TOPORS: variants seen among roughly 807,000 people sequenced by gnomAD.
TOPORS encodes E3 ubiquitin-protein ligase Topors.
TOPORS carries 25 observed loss-of-function variants against 81.4 expected under a neutral mutation model. That is an observed-to-expected ratio of 0.31 (90% CI 0.22 to 0.43). The LOEUF is 0.43. Ranked by LOEUF, TOPORS falls within the 20% of genes least tolerant of loss-of-function variation. The pLI is 1.00. For synonymous variants in TOPORS, 473 were observed against 456.6 expected, an observed-to-expected ratio of 1.04 and a Z score of -0.46; for missense variants, 1,101 against 1,267.0, an observed-to-expected ratio of 0.87 and a Z score of 1.99.
rs372508949 is a variant in TOPORS, at chr9:32,543,310, A to T, written c.1215T>A (p.Asp405Glu). 4 of 1,613,992 alleles carry T rather than the reference A, an allele frequency of 2.5e-6. No individual in the cohort carries two copies. The highest frequency in any genetic ancestry group is 3.4e-6 in the Non-Finnish European group (4 of 1,180,030). Residue 405 changes from aspartate (D) to glutamate (E), a missense_variant, in exon 3 of 3, where the codon GAT becomes GAA. Asp to Glu is a conservative substitution (Grantham distance 45, BLOSUM62 2). Coordinates refer to ENST00000360538, the MANE Select transcript of TOPORS (RefSeq NM_005802.5). This position sits in a 1 kb window ranked among gnomAD's most constrained non-coding sequence, Gnocchi z 5.6. ...CCTGACTAACAGTGGCTACATTAAT[A>T]TCCAGCTCTTGGGTCTCAGCCTCAT... Reference protein sequence around the residue: ...SPDEAETQELDINVATVSQAP... With the variant: ...SPDEAETQELEINVATVSQAP...
At chr9:32,551,169 G>C in intron 1 of TOPORS, 1 of 657,342 alleles carries the variant, frequency 1.5e-6, no homozygotes, top group East Asian at 2.7e-5. Context: ...CCCGGAGGAG[G>C]GCAGCGCGAC....
chr9:32,551,820 AC>A (rs1476042411), intron 1 of TOPORS: 1 of 450,226 alleles, frequency 2.2e-6, no homozygotes, highest in Non-Finnish European at 4.5e-6. Flanking sequence ...AACGCGTCCC[AC>A]GTATTTCTTC....
In TOPORS at chr9:32,542,900, T is replaced by C. The variant is rs1162091744; in HGVS notation, c.1625A>G (p.Asp542Gly). The C allele has an allele frequency of 6.2e-7, 1 of 1,614,080 alleles. No homozygotes were observed. Among genetic ancestry groups the C allele is most frequent in the African/African-American group, 1.3e-5 (1 of 74,948 alleles). ...ACAATGACCTTTATTTATTTGTTCA[T>C]CCTTTCCAAGGACAGAGTGTGGAGA... ...CSSPHSVLGKDEQINKGHCDS... is the reference protein window; with the variant it reads ...CSSPHSVLGKGEQINKGHCDS... Residue 542 changes from aspartate to glycine, a missense_variant, in exon 3 of 3, where the codon GAT becomes GGT. Physicochemically the swap from Asp to Gly is moderately conservative, Grantham distance 94. Around this residue, in one of 9 missense-constraint regions of TOPORS, gnomAD observed 605 missense variants for 636.1 expected, o/e 0.95. Transcript: ENST00000360538.
At chr9:32,552,361 A>G in intron 1 of TOPORS, 73 bp downstream of exon 1, 1 of 1,583,374 alleles carries the variant, frequency 6.3e-7, no homozygotes. Flanking sequence ...GGCGCCTGGC[A>G]GCCACCGCCT....
At chr9:32,547,082 A>G (rs1269459784) in intron 2 of TOPORS, among the ~76,000 whole-genome samples, 2 of 152,204 alleles carry the variant, frequency 1.3e-5, no homozygotes, top group South Asian at 2.1e-4. Flanking sequence ...CAGAAACATC[A>G]AAGAGGCGGG....
intron 2 of TOPORS, 50 bp downstream of exon 2, chr9:32,550,724 T>TC: frequency 6.2e-7 from 1 of 1,603,950 alleles, no homozygotes; most frequent in Non-Finnish European, 8.5e-7. Flanking sequence ...GAGCGCCAAC[T>TC]CCCACGGCCC....
intron 2 of TOPORS, among the ~76,000 whole-genome samples, chr9:32,548,651 C>T (rs1196012224): frequency 6.6e-6 from 1 of 152,146 alleles, no homozygotes; most frequent in Non-Finnish European, 1.5e-5. Context: ...GCCTGTGTTA[C>T]GGGTTTTCCA....
rs147071021 is a variant in TOPORS at position 32,543,854 on chromosome 9, T to C, written c.671A>G (p.Asp224Gly). The C allele has an allele frequency of 4.3e-5, 69 of 1,614,164 alleles. No individual in the cohort carries two copies. In the Middle Eastern group the frequency reaches 8.2e-4, roughly 19 times the overall value. ...TCTCATAAACTGAGGAATTTCAACA[T>C]CTCTAGGTCTTGTTGAAATGCCTAA... ...EGLGISTRPR[D>G]VEIPQFMRQI... The change falls in exon 3 of 3, where the codon GAT becomes GGT. Residue 224 changes from aspartate (D) to glycine (G), a missense_variant. By Grantham distance (94) the Asp-to-Gly change is moderately conservative. Transcript: ENST00000360538. The surrounding 1 kb of genome is among the most constrained non-coding windows in gnomAD (Gnocchi z 5.6).
chr9:32,551,623 G>A (rs1484802680), intron 1 of TOPORS: 1 of 266,810 alleles, frequency 3.7e-6, no homozygotes, highest in Non-Finnish European at 8.1e-6. Flanking sequence ...TAGAGCCTAA[G>A]CGGCCCGTTG....
chr9:32,551,163 G>A, intron 1 of TOPORS, 195 bp from the exon 2 acceptor site: 1 of 671,104 alleles, frequency 1.5e-6, no homozygotes, highest in Non-Finnish European at 2.6e-6. Context: ...CCAGACCCCG[G>A]AGGAGGGCAG....
intron 2 of TOPORS, among the ~76,000 whole-genome samples, chr9:32,549,756 T>C (rs1362459117): frequency 1.3e-5 from 2 of 152,154 alleles, no homozygotes; most frequent in Non-Finnish European, 2.9e-5. Flanking sequence ...GGTTCACGAA[T>C]AGATGAAATA....
intron 2 of TOPORS, 34 bp from the exon 3 acceptor site, chr9:32,544,360 A>G (rs780011453): frequency 6.3e-7 from 1 of 1,589,136 alleles, no homozygotes. Flanking sequence ...CAGTAACCTG[A>G]TAATAGAGGA....
chr9:32,546,798 G>A (rs982380853), intron 2 of TOPORS, among the ~76,000 whole-genome samples: 11 of 152,124 alleles, frequency 7.2e-5, no homozygotes. Context: ...TGAATGACTG[G>A]TAATGTCCTC....
Position 32,542,506 on chromosome 9 carries a change from A to T in TOPORS, c.2019T>A (p.Arg673=), listed in dbSNP as rs760719392. The part of the protein sequence containing the change: ...SSESTSRSRS[R]SSDHGKRRSR... ...ATCTTCTTTTACCATGATCACTGCTACGAGACCTTGATCTGCTTGTGCTTT... is the reference window on the plus strand; with the variant it reads ...ATCTTCTTTTACCATGATCACTGCTTCGAGACCTTGATCTGCTTGTGCTTT... Residue 673 remains arginine, a synonymous_variant, in exon 3 of 3, where the codon CGT becomes CGA. Coordinates refer to ENST00000360538, the MANE Select transcript of TOPORS (RefSeq NM_005802.5). 1.6e-4 allele frequency: 253 copies of T among 1,613,900 alleles called. No homozygotes were observed. Among genetic ancestry groups the T allele is most frequent in the Non-Finnish European group, 2.0e-4 (234 of 1,180,034 alleles).
rs1347728372 is a variant in TOPORS at position 32,550,813 on chromosome 9, C to G, written c.159G>C (p.Ala53=). ...GCGCAGGCCTGGCTGGGGCGCTCGC[C>G]GCGAGCTCCCGGCAGCCCAGAAAGC... ...RPSFLGCREL[A]ASAPARPAPA... The change falls in exon 2 of 3, where the codon GCG becomes GCC. Residue 53 remains alanine, a synonymous_variant. Coordinates refer to ENST00000360538, the MANE Select transcript of TOPORS (RefSeq NM_005802.5). 1 of 1,612,602 alleles carries G rather than the reference C, an allele frequency of 6.2e-7. No individual in the cohort carries two copies. Among genetic ancestry groups the G allele is most frequent in the Non-Finnish European group, 8.5e-7 (1 of 1,179,698 alleles).
At chr9:32,545,647 G>A (rs1022227679) in intron 2 of TOPORS, among the ~76,000 whole-genome samples, 2 of 151,968 alleles carry the variant, frequency 1.3e-5, no homozygotes, top group African/African-American at 4.8e-5. Context: ...TGTAATCCCA[G>A]CTACTTGGGA....
rs367955235 is a variant in TOPORS at position 32,552,445 on chromosome 9, T to C, written c.-9A>G. 2.1e-5 allele frequency: 33 copies of C among 1,607,128 alleles called. No homozygotes were observed. Among genetic ancestry groups the C allele is most frequent in the Non-Finnish European group, 2.8e-5 (33 of 1,177,188 alleles). On this transcript the variant is annotated 5_prime_UTR_variant, in exon 1 of 3. Coordinates refer to ENST00000360538, the MANE Select transcript of TOPORS (RefSeq NM_005802.5). ...TGCCGCCTCCTTACCATGAAGCCAG[T>C]AAGTCGTCGCACGCTGGACTGGATT...
chr9:32,547,999 A>AATT (rs1821162958), intron 2 of TOPORS, among the ~76,000 whole-genome samples: 1 of 83,732 alleles, frequency 1.2e-5, no homozygotes, highest in African/African-American at 5.2e-5. Flanking sequence ...CACGCTCGGC[A>AATT]TTTTTTTTTT....
In TOPORS at chr9:32,541,087, T is replaced by C. The variant is rs911094732; in HGVS notation, c.*300A>G. On this transcript the variant is annotated 3_prime_UTR_variant, in exon 3 of 3. Transcript: ENST00000360538. ...AAAAATATGTCAATACCGTATGGCT[T>C]TATGAAATAACTTCTAAAATTTATA... The C allele has an allele frequency of 1.3e-4, 31 of 247,314 alleles. No individual in the cohort carries two copies. The highest frequency in any genetic ancestry group is 2.1e-4 in the Non-Finnish European group (26 of 125,772). The allele number at this position is 247,314 out of a possible 1,614,324, so 15.3% of individuals were successfully genotyped here. A position where few individuals can be genotyped will look rare whatever the true frequency, so the allele number is the denominator to read the frequency against.
Sources: allele counts gnomAD v4.1 joint callset (sites outside exome capture counted in the v4.1 genomes callset), GRCh38; gene constraint gnomAD v4.1.1; regional missense constraint gnomAD v4.1.1; non-coding constraint Gnocchi (gnomAD v3.1); transcripts MANE v1.5; gene names NCBI Gene and HGNC (gene_info 2026-07-23, HGNC 2026-07-21).